The following ARMCX4 variants were observed in gnomAD, a reference collection of about 807,000 sequenced individuals.
ARMCX4 encodes the protein armadillo repeat-containing X-linked protein 4.
In ARMCX4, 3 loss-of-function variants were observed where a neutral mutation model predicts 34.7. The observed-to-expected ratio is 0.09, with a 90% confidence interval of 0.04 to 0.22. ARMCX4 has a LOEUF of 0.22. Ranked by LOEUF, ARMCX4 falls within the 10% of genes least tolerant of loss-of-function variation. The probability of loss-of-function intolerance (pLI) is 1.00; values close to 1 mark genes in which losing one functional copy is unlikely to be tolerated. For synonymous variants in ARMCX4, 513 were observed against 632.8 expected, an observed-to-expected ratio of 0.81 and a Z score of 2.84; for missense variants, 1,448 against 1,720.8, an observed-to-expected ratio of 0.84 and a Z score of 2.81.
At chrX:101,440,187 C>T (rs1931168290) in intron 2 of ARMCX4, among the ~76,000 whole-genome samples, 1 of 111,866 alleles carries the variant, frequency 8.9e-6, no homozygotes, top group African/African-American at 3.2e-5. Flanking sequence ...GTTAGTTTTC[C>T]TTCTAACAGA....
downstream of ARMCX4, among the ~76,000 whole-genome samples, chrX:101,500,124 A>T (rs1934263287): frequency 9.0e-6 from 1 of 111,608 alleles, no homozygotes; most frequent in African/African-American, 3.3e-5. Flanking sequence ...ATTGACACCC[A>T]GAGACCTAAA....
chrX:101,492,063 T>C lies in ARMCX4; in HGVS notation c.3474T>C (p.Cys1158=). Residue 1158 remains cysteine, a synonymous_variant, in exon 6 of 6, where the codon TGT becomes TGC. Coordinates refer to ENST00000423738, the MANE Select transcript of ARMCX4 (RefSeq NM_001256155.3). The part of the protein sequence containing the change: ...AGIIRSWAVA[C]DETSVKSWAG... Reference sequence around the variant, plus strand: ...TTATTCGGTCTTGGGCTGTGGCTTGTGATGAGACCAGTGTTAAGTCCTGGG... The same window carrying C: ...TTATTCGGTCTTGGGCTGTGGCTTGCGATGAGACCAGTGTTAAGTCCTGGG... The C allele has an allele frequency of 1.7e-6, 2 of 1,152,763 alleles. No individual in the cohort carries two copies. The highest frequency in any genetic ancestry group is 3.8e-5 in the South Asian group (2 of 52,269).
chrX:101,426,159 TA>T (rs1163629637), intron 2 of ARMCX4, among the ~76,000 whole-genome samples: 2 of 111,029 alleles, frequency 1.8e-5, no homozygotes, highest in African/African-American at 6.6e-5. Context: ...TGTGGATGTG[TA>T]AAGTTTACAA....
intron 11 of ARMCX4, among the ~76,000 whole-genome samples, chrX:101,525,179 A>C (rs1234368050): frequency 8.9e-6 from 1 of 112,199 alleles, no homozygotes; most frequent in African/African-American, 3.2e-5. Context: ...CCAGGCAAAC[A>C]GGGTCTGGAG....
rs1350476075 is a variant in ARMCX4 at position 101,493,504 on chromosome X, G to C, written c.4915G>C (p.Gly1639Arg). The part of the protein sequence containing the change: ...QSSGGSWAGT[G>R]NQSSGRSWIG... ...CAGTGGTGGGTCCTGGGCTGGCACT[G>C]GGAATCAGTCCAGTGGAAGGTCCTG... The change falls in exon 6 of 6, where the codon GGG becomes CGG. Residue 1639 changes from glycine (G) to arginine (R), a missense_variant. Gly to Arg is a moderately radical substitution (Grantham distance 125). Coordinates refer to ENST00000423738, the MANE Select transcript of ARMCX4 (RefSeq NM_001256155.3). 7 of 1,155,409 alleles carry C rather than the reference G, an allele frequency of 6.1e-6. No homozygotes were observed. The highest frequency in any genetic ancestry group is 8.0e-6 in the Non-Finnish European group (7 of 872,666).
chrX:101,515,465 T>TCCTCCCTC (rs1198191576), intron 11 of ARMCX4, among the ~76,000 whole-genome samples: 1 of 27,766 alleles, frequency 3.6e-5, no homozygotes, highest in Non-Finnish European at 6.7e-5. Flanking sequence ...CTTCCTTCCT[T>TCCTCCCTC]CCTCCCTCCC....
chrX:101,445,553 G>A (rs1157778042), intron 3 of ARMCX4, among the ~76,000 whole-genome samples: 1 of 112,270 alleles, frequency 8.9e-6, no homozygotes, highest in Non-Finnish European at 1.9e-5. Flanking sequence ...TGCCAGCCTT[G>A]TCTTTGTTAA....
In ARMCX4 at chrX:101,494,775, C is replaced by T. The variant is rs1556011363; in HGVS notation, c.6186C>T (p.Ala2062=). 1.7e-6 allele frequency: 2 copies of T among 1,152,751 alleles called. No homozygotes were observed. The highest frequency in any genetic ancestry group is 2.6e-5 in the Admixed American group (1 of 38,528). The allele number at this position is 1,152,751 out of a possible 1,213,427, so 95.0% of individuals were successfully genotyped here. ...MTEDPSVHEI[A]NNALYNSADY... ...AAGATCCTTCTGTTCATGAAATAGCCAATAATGCTTTATATAACAGTGCTG... is the reference window on the plus strand; with the variant it reads ...AAGATCCTTCTGTTCATGAAATAGCTAATAATGCTTTATATAACAGTGCTG... Residue 2062 remains alanine, a synonymous_variant, in exon 6 of 6, where the codon GCC becomes GCT. Coordinates refer to ENST00000423738, the MANE Select transcript of ARMCX4 (RefSeq NM_001256155.3).
At chrX:101,425,463 G>A (rs904215232) in intron 2 of ARMCX4, among the ~76,000 whole-genome samples, 15 of 105,494 alleles carry the variant, frequency 1.4e-4, no homozygotes, top group African/African-American at 5.3e-4. Flanking sequence ...GTGCGATCTC[G>A]GCTCACTGCA....
intron 4 of ARMCX4, among the ~76,000 whole-genome samples, chrX:101,457,321 C>T (rs5951265): frequency 8.9e-6 from 1 of 112,122 alleles, no homozygotes; most frequent in African/African-American, 3.2e-5. Flanking sequence ...CTGACTGAAG[C>T]TCTCTTTTTT....
intron 4 of ARMCX4, among the ~76,000 whole-genome samples, chrX:101,472,519 G>C (rs1482244011): frequency 1.4e-5 from 1 of 71,121 alleles, no homozygotes; most frequent in African/African-American, 6.1e-5. Context: ...ATTCACCAAA[G>C]TTGAAATGAA....
intron 4 of ARMCX4, among the ~76,000 whole-genome samples, chrX:101,469,608 A>G (rs1236760792): frequency 8.9e-6 from 1 of 112,096 alleles, no homozygotes; most frequent in East Asian, 2.8e-4. Context: ...CACACATCTT[A>G]AATGTTCAAT....
intron 2 of ARMCX4, among the ~76,000 whole-genome samples, chrX:101,424,193 G>A: frequency 9.0e-6 from 1 of 111,496 alleles, no homozygotes; most frequent in Non-Finnish European, 1.9e-5. Context: ...AAAGAATTGG[G>A]TTTGGAGAGC....
chrX:101,419,062 T>G (rs1929077122), intron 2 of ARMCX4: 1 of 109,140 alleles, frequency 9.2e-6, no homozygotes, highest in Non-Finnish European at 1.9e-5. Flanking sequence ...TTTTGCTCAC[T>G]TTTTCCTCTG....
intron 2 of ARMCX4, among the ~76,000 whole-genome samples, chrX:101,423,474 G>A (rs111342407): frequency 2.0e-4 from 21 of 107,085 alleles, no homozygotes; most frequent in African/African-American, 6.5e-4. Context: ...ACAATTAGCC[G>A]GGCATGGTGA....
At chrX:101,469,841 C>G (rs1932860319) in intron 4 of ARMCX4, among the ~76,000 whole-genome samples, 1 of 111,296 alleles carries the variant, frequency 9.0e-6, no homozygotes, top group African/African-American at 3.3e-5. Flanking sequence ...TGCCCACCCA[C>G]CAGTGCACCA....
At chrX:101,467,607 A>G (rs1051065927) in intron 4 of ARMCX4, among the ~76,000 whole-genome samples, 6 of 112,132 alleles carry the variant, frequency 5.4e-5, no homozygotes, top group Non-Finnish European at 5.6e-5. Flanking sequence ...CCTCATGGCT[A>G]TAGCACCTGA....
At chrX:101,424,542 A>G (rs1463043879) in intron 2 of ARMCX4, among the ~76,000 whole-genome samples, 4 of 111,670 alleles carry the variant, frequency 3.6e-5, no homozygotes, top group African/African-American at 9.8e-5. Context: ...ATCTCCAGGT[A>G]GGTAGTAACA....
At chrX:101,432,898 GTGTATATACACACACGTATACATACGTA>G in intron 2 of ARMCX4, among the ~76,000 whole-genome samples, 1 of 44,305 alleles carries the variant, frequency 2.3e-5, no homozygotes, top group African/African-American at 6.0e-5. Context: ...GTATATATAC[GTGTATATACACACACGTATACATACGTA>G]TATATATACG....
Sources: allele counts gnomAD v4.1 joint callset (sites outside exome capture counted in the v4.1 genomes callset), GRCh38; gene constraint gnomAD v4.1.1; transcripts MANE v1.5; gene names NCBI Gene and HGNC (gene_info 2026-07-23, HGNC 2026-07-21).